Variants in SLC24A2 observed in about 807,000 individuals in gnomAD.
SLC24A2 encodes the protein solute carrier family 24 member 2.
Under a neutral mutation model 62.0 loss-of-function variants are expected in SLC24A2, and 36 were observed. That is an observed-to-expected ratio of 0.58 (90% confidence interval 0.44 to 0.77). SLC24A2 has a LOEUF of 0.77. Ranked by LOEUF, SLC24A2 falls within the 30% of genes least tolerant of loss-of-function variation. The probability of loss-of-function intolerance (pLI) is 0.00; values close to 1 mark genes in which losing one functional copy is unlikely to be tolerated. For synonymous variants in SLC24A2, 358 were observed against 294.0 expected (o/e 1.22, Z -2.23); for missense variants, 846 against 817.9 (o/e 1.03, Z -0.42).
At chr9:19,887,093 C>T in the SLC24A2 span, among the ~76,000 whole-genome samples, 142 of 152,212 alleles carry the variant, frequency 9.3e-4, 1 homozygote, top group East Asian at 1.9e-3. Context: ...ATAGCTGATG[C>T]GTGCTGCGCT....
rs903975294 is a variant in SLC24A2 at position 19,508,777 on chromosome 9, G to C, written c.*7376C>G. The C allele has an allele frequency of 2.8e-5, 4 of 143,882 alleles. No homozygotes were observed. The highest frequency in any genetic ancestry group is 1.1e-4 in the African/African-American group (4 of 37,514). 8.9% of individuals were successfully genotyped at this position (143,882 alleles called of 1,614,324 possible). A position where few individuals can be genotyped will look rare whatever the true frequency, so the allele number is the denominator to read the frequency against. On this transcript the variant is annotated 3_prime_UTR_variant, in exon 11 of 11. Transcript: ENST00000341998. The stretch of plus-strand genomic sequence containing the variant: ...CCACTGCACTCTAGCCTGGGTGACA[G>C]AGCAAGACCCTGTCTGTTAAAAAAA...
chr9:19,675,811 G>A (rs1819545330), intron 2 of SLC24A2, among the ~76,000 whole-genome samples: 2 of 152,088 alleles, frequency 1.3e-5, no homozygotes, highest in African/African-American at 2.4e-5. Flanking sequence ...GTGCCTCCCC[G>A]CCTGCTGTGG....
the SLC24A2 span, among the ~76,000 whole-genome samples, chr9:20,216,829 A>G: frequency 6.6e-6 from 1 of 152,182 alleles, no homozygotes; most frequent in Non-Finnish European, 1.5e-5. Flanking sequence ...GCCTTAGTTG[A>G]GATTAATAGT....
intron 2 of SLC24A2, among the ~76,000 whole-genome samples, chr9:19,684,655 T>C (rs1819826047): frequency 6.6e-6 from 1 of 152,034 alleles, no homozygotes; most frequent in Admixed American, 6.6e-5. Flanking sequence ...GGGTCTTTCA[T>C]TACGAAAGAC....
At chr9:19,555,693 C>G (rs1835056318) in intron 7 of SLC24A2, among the ~76,000 whole-genome samples, 1 of 152,092 alleles carries the variant, frequency 6.6e-6, no homozygotes, top group Admixed American at 6.6e-5. Flanking sequence ...ACCTGTAATC[C>G]CAGCACTTTG....
the SLC24A2 span, among the ~76,000 whole-genome samples, chr9:19,990,143 A>G: frequency 6.6e-6 from 1 of 152,164 alleles, no homozygotes; most frequent in East Asian, 1.9e-4. Context: ...TTTAATCATC[A>G]CCATAATCCT....
the SLC24A2 span, among the ~76,000 whole-genome samples, chr9:20,194,128 T>C: frequency 6.6e-6 from 1 of 152,086 alleles, no homozygotes; most frequent in Non-Finnish European, 1.5e-5. Context: ...ATCTTTCCAC[T>C]AAGTAGAACT....
At chr9:20,257,331 A>G in the SLC24A2 span, among the ~76,000 whole-genome samples, 1 of 152,234 alleles carries the variant, frequency 6.6e-6, no homozygotes. Context: ...AATCTCTAGA[A>G]ACATCAAGGT....
chr9:19,882,653 G>T, the SLC24A2 span, among the ~76,000 whole-genome samples: 1 of 138,378 alleles, frequency 7.2e-6, no homozygotes, highest in Non-Finnish European at 1.6e-5. Flanking sequence ...GCTTCCTGAG[G>T]ATCTACAGGT....
chr9:19,717,581 G>A (rs986419280), intron 2 of SLC24A2, among the ~76,000 whole-genome samples: 1 of 152,174 alleles, frequency 6.6e-6, no homozygotes, highest in African/African-American at 2.4e-5. Context: ...TTTTAAAAGA[G>A]TTATAGAAAA....
chr9:19,922,667 C>A, the SLC24A2 span, among the ~76,000 whole-genome samples: 1 of 152,098 alleles, frequency 6.6e-6, no homozygotes, highest in Non-Finnish European at 1.5e-5. Flanking sequence ...AAATCACAGC[C>A]CATCACACAG....
intron 2 of SLC24A2, among the ~76,000 whole-genome samples, chr9:19,738,952 A>C (rs1821591887): frequency 6.6e-6 from 1 of 152,044 alleles, no homozygotes; most frequent in Non-Finnish European, 1.5e-5. Context: ...TCCCACCTCT[A>C]CTAATAATAC....
At chr9:19,593,139 T>A (rs1261495457) in intron 5 of SLC24A2, among the ~76,000 whole-genome samples, 1 of 152,224 alleles carries the variant, frequency 6.6e-6, no homozygotes, top group East Asian at 1.9e-4. Flanking sequence ...TGCTGTGAGC[T>A]TTATGAATTC....
At chr9:19,705,193 G>T (rs1820475211) in intron 2 of SLC24A2, 1 of 152,124 alleles carries the variant, frequency 6.6e-6, no homozygotes. Flanking sequence ...ATGATTAAAT[G>T]ACATAATGCA....
At chr9:19,933,611 ACTC>A in the SLC24A2 span, among the ~76,000 whole-genome samples, 1 of 152,080 alleles carries the variant, frequency 6.6e-6, no homozygotes, top group Non-Finnish European at 1.5e-5. Context: ...CAGCAATACT[ACTC>A]CTACATACAT....
At chr9:19,665,647 A>G (rs565436946) in intron 2 of SLC24A2, among the ~76,000 whole-genome samples, 3 of 152,178 alleles carry the variant, frequency 2.0e-5, no homozygotes, top group African/African-American at 7.2e-5. Context: ...GTTGTTTGAG[A>G]CAGGGTTTCG....
chr9:19,974,056 A>G, the SLC24A2 span, among the ~76,000 whole-genome samples: 1 of 152,182 alleles, frequency 6.6e-6, no homozygotes, highest in African/African-American at 2.4e-5. Flanking sequence ...GAGAGTCATA[A>G]GAGGAAGTCA....
At chr9:19,855,785 G>T in the SLC24A2 span, among the ~76,000 whole-genome samples, 87,663 of 151,968 alleles carry the variant, frequency 0.58, 25,937 homozygotes, top group Non-Finnish European at 0.64. Context: ...TTCTCATGGA[G>T]TATTTTACCA....
At chr9:19,858,026 A>T in the SLC24A2 span, among the ~76,000 whole-genome samples, 1 of 152,326 alleles carries the variant, frequency 6.6e-6, no homozygotes, top group Admixed American at 6.5e-5. Flanking sequence ...TGCAGAACCA[A>T]AAAAGAGCCT....
Sources: gnomAD v4.1 joint callset for allele counts (sites outside exome capture counted in the v4.1 genomes callset) on GRCh38, gnomAD v4.1.1 for gene constraint, MANE v1.5 for transcripts, NCBI Gene and HGNC (gene_info 2026-07-23, HGNC 2026-07-21) for gene names.